ZNF804B: variants seen among roughly 807,000 people sequenced by gnomAD.
ZNF804B encodes the protein zinc finger 804B.
In ZNF804B, 80 loss-of-function variants were observed where a neutral mutation model predicts 101.4. That is an observed-to-expected ratio of 0.79 (90% confidence interval 0.66 to 0.95). The LOEUF is 0.95. Among genes scored for constraint, ZNF804B ranks in the 40% least tolerant of loss-of-function variants. ZNF804B has a pLI of 0.00. For missense variants in ZNF804B, 1,673 were observed against 1,561.9 expected (o/e 1.07, Z -1.20); for synonymous variants, 622 against 558.8 (o/e 1.11, Z -1.59).
chr7:89,097,447 TTG>T (rs1789986567), intron 1 of ZNF804B, among the ~76,000 whole-genome samples: 1 of 152,204 alleles, frequency 6.6e-6, no homozygotes, highest in Non-Finnish European at 1.5e-5. Flanking sequence ...AGGAGAAGTT[TTG>T]AGTAAGAGTG....
intron 1 of ZNF804B, among the ~76,000 whole-genome samples, chr7:88,769,031 A>G (rs552753799): frequency 5.1e-4 from 77 of 152,302 alleles, no homozygotes; most frequent in Non-Finnish European, 9.9e-4. Context: ...GTAAACATTA[A>G]CAGTGATTAT....
intron 1 of ZNF804B, among the ~76,000 whole-genome samples, chr7:88,766,016 T>C (rs926959857): frequency 1.3e-5 from 2 of 152,190 alleles, no homozygotes; most frequent in East Asian, 1.9e-4. Flanking sequence ...AAGAGTATTA[T>C]GGTGTTTAAA....
intron 1 of ZNF804B, among the ~76,000 whole-genome samples, chr7:89,118,649 A>T (rs2116362817): frequency 1.3e-5 from 2 of 152,282 alleles, no homozygotes; most frequent in South Asian, 4.1e-4. Context: ...AGTTCCTTTG[A>T]CCTTACCTTG....
At position 88,854,697 on chromosome 7, in the gene ZNF804B, G is replaced by A. The variant is rs913565664; in HGVS notation, c.108+94613G>A. On this transcript the variant is annotated intron_variant, in intron 1 of 3. Coordinates refer to ENST00000333190, the MANE Select transcript of ZNF804B (RefSeq NM_181646.5). ...TATACATGTGCCATGTTGGTGTGCTGCACCCATTAACTCATCATTTAACAT... is the reference window on the plus strand; with the variant it reads ...TATACATGTGCCATGTTGGTGTGCTACACCCATTAACTCATCATTTAACAT... 4.0e-5 allele frequency among the ~76,000 whole-genome samples: 6 copies of A among 149,302 alleles called. 1 individual carries two copies. In the Admixed American group the frequency reaches 4.0e-4, roughly 10 times the overall value.
chr7:88,899,708 G>C (rs893708496), intron 1 of ZNF804B, among the ~76,000 whole-genome samples: 3 of 151,998 alleles, frequency 2.0e-5, no homozygotes, highest in Admixed American at 2.0e-4. Flanking sequence ...TCAAGACAAG[G>C]TCCTCTAGAA....
intron 1 of ZNF804B, among the ~76,000 whole-genome samples, chr7:89,201,445 G>A (rs1314913922): frequency 6.6e-6 from 1 of 152,032 alleles, no homozygotes; most frequent in Non-Finnish European, 1.5e-5. Context: ...GAAGGAGAGT[G>A]AGGGATGAAA....
chr7:88,884,328 G>A (rs1792087395), intron 1 of ZNF804B, among the ~76,000 whole-genome samples: 1 of 151,554 alleles, frequency 6.6e-6, no homozygotes, highest in Non-Finnish European at 1.5e-5. Flanking sequence ...ATGTATTGGA[G>A]ACTTTAAAAT....
At chr7:89,291,606 A>T (rs1032023455) in intron 2 of ZNF804B, among the ~76,000 whole-genome samples, 1 of 152,168 alleles carries the variant, frequency 6.6e-6, no homozygotes, top group African/African-American at 2.4e-5. Context: ...AAGAATAAAA[A>T]AGGATGAAGC....
At chr7:89,272,131 C>A (rs1368877840) in intron 2 of ZNF804B, among the ~76,000 whole-genome samples, 2 of 151,916 alleles carry the variant, frequency 1.3e-5, no homozygotes, top group Non-Finnish European at 2.9e-5. Flanking sequence ...GCCATTCTCC[C>A]AACATATCAT....
chr7:89,282,565 A>G (rs558676816), intron 2 of ZNF804B, among the ~76,000 whole-genome samples: 1 of 152,336 alleles, frequency 6.6e-6, no homozygotes, highest in Non-Finnish European at 1.5e-5. Flanking sequence ...CCTCTTAAAC[A>G]GGAGGTCCTA....
intron 1 of ZNF804B, among the ~76,000 whole-genome samples, chr7:89,172,489 C>T (rs1220428096): frequency 3.3e-5 from 5 of 152,152 alleles, no homozygotes; most frequent in Admixed American, 1.3e-4. Flanking sequence ...GTTGATTCTT[C>T]TCGCCTATGA....
intron 1 of ZNF804B, among the ~76,000 whole-genome samples, chr7:88,902,167 C>T (rs190473091): frequency 1.3e-5 from 2 of 152,096 alleles, no homozygotes; most frequent in Non-Finnish European, 2.9e-5. Flanking sequence ...CCACATACCT[C>T]ATACATTGTA....
At position 89,191,383 on chromosome 7, in the gene ZNF804B, A is replaced by G. The variant is rs370888929; in HGVS notation, c.109-26772A>G. 3.9e-5 allele frequency among the ~76,000 whole-genome samples: 6 copies of G among 152,242 alleles called. No homozygotes were observed. The East Asian group carries it at 1.2e-3, about 29-fold the overall frequency. ...TTTCAATATGATTGTTGATTAGCTC[A>G]GCAGCAACTGATAAGTGGCCATAAG... On this transcript the variant is annotated intron_variant, in intron 1 of 3. Coordinates refer to ENST00000333190, the MANE Select transcript of ZNF804B (RefSeq NM_181646.5).
intron 2 of ZNF804B, among the ~76,000 whole-genome samples, chr7:89,289,827 G>A (rs1790258679): frequency 6.6e-6 from 1 of 152,180 alleles, no homozygotes; most frequent in Non-Finnish European, 1.5e-5. Context: ...GCTGAGCTGA[G>A]CTCAGAGCCA....
intron 2 of ZNF804B, among the ~76,000 whole-genome samples, chr7:89,263,366 T>C (rs1789738680): frequency 6.6e-6 from 1 of 152,120 alleles, no homozygotes; most frequent in Non-Finnish European, 1.5e-5. Flanking sequence ...TTTTTTCCGC[T>C]GCTTGTTGTT....
intron 1 of ZNF804B, among the ~76,000 whole-genome samples, chr7:89,192,048 T>G (rs1788463150): frequency 6.6e-6 from 1 of 152,116 alleles, no homozygotes. Context: ...TTTCTAAAAA[T>G]GGGAGCTTAA....
intron 2 of ZNF804B, among the ~76,000 whole-genome samples, chr7:89,291,510 T>G (rs1377338835): frequency 1.3e-5 from 2 of 152,134 alleles, no homozygotes. Context: ...ATCAGTCTTT[T>G]AATATCAGAA....
At chr7:88,811,141 T>C (rs1294942699) in intron 1 of ZNF804B, among the ~76,000 whole-genome samples, 3 of 152,160 alleles carry the variant, frequency 2.0e-5, no homozygotes, top group Admixed American at 1.3e-4. Flanking sequence ...GGTGCTCTTA[T>C]GTTAATTCTC....
intron 1 of ZNF804B, among the ~76,000 whole-genome samples, chr7:89,195,814 A>G (rs1260422106): frequency 6.6e-6 from 1 of 152,008 alleles, no homozygotes; most frequent in Non-Finnish European, 1.5e-5. Context: ...TGCTTAAAAA[A>G]AAGAAGAAAA....
Sources: gnomAD v4.1 joint callset for allele counts (sites outside exome capture counted in the v4.1 genomes callset) on GRCh38, gnomAD v4.1.1 for gene constraint, MANE v1.5 for transcripts, NCBI Gene and HGNC (gene_info 2026-07-23, HGNC 2026-07-21) for gene names.